The following DHX33 variants were observed in gnomAD, a reference collection of about 807,000 sequenced individuals.
DHX33 encodes the protein DEAH-box helicase 33.
In DHX33, 42 loss-of-function variants were observed where a neutral mutation model predicts 72.5. That is an observed-to-expected ratio of 0.58 (90% confidence interval 0.45 to 0.75). The LOEUF is 0.75. Ranked by LOEUF, DHX33 falls within the 30% of genes least tolerant of loss-of-function variation. The pLI is 0.00. For missense variants in DHX33, 842 were observed against 917.5 expected, an observed-to-expected ratio of 0.92 and a Z score of 1.06; for synonymous variants, 358 against 366.1, an observed-to-expected ratio of 0.98 and a Z score of 0.25.
Position 5,453,526 on chromosome 17 carries a change from T to G in DHX33, c.1396+54A>C, listed in dbSNP as rs1479350821. The G allele has an allele frequency of 3.5e-6, 5 of 1,416,326 alleles. 1 individual carries two copies. In the Admixed American group the frequency reaches 8.4e-5, roughly 24 times the overall value. 87.7% of individuals were successfully genotyped at this position (1,416,326 alleles called of 1,614,324 possible). ...ACTTTATTTTTTTGGAAGTGTCCAT[T>G]TGTTGTTGTTTGTCTCCTCACCCAC... is the stretch of plus-strand genomic sequence containing the variant. On this transcript the variant is annotated intron_variant, in intron 8 of 11. Coordinates refer to ENST00000225296, the MANE Select transcript of DHX33 (RefSeq NM_020162.4).
At chr17:5,467,267 T>C (rs1487217124) in intron 1 of DHX33, among the ~76,000 whole-genome samples, 2 of 152,192 alleles carry the variant, frequency 1.3e-5, no homozygotes, top group South Asian at 2.1e-4. Flanking sequence ...GACAGGATCA[T>C]GGCAATTTCA....
At chr17:5,457,606 C>CAA (rs55832565) in intron 4 of DHX33, among the ~76,000 whole-genome samples, 19,195 of 95,504 alleles carry the variant, frequency 0.2, 2,030 homozygotes, top group African/African-American at 0.29. Context: ...GACTCCATCT[C>CAA]AAAAAAAAAA....
chr17:5,446,738 G>A (rs1378167108), intron 11 of DHX33, among the ~76,000 whole-genome samples: 1 of 152,152 alleles, frequency 6.6e-6, no homozygotes, highest in Non-Finnish European at 1.5e-5. Flanking sequence ...CCTTACCAGT[G>A]CCTGACATAT....
intron 3 of DHX33, among the ~76,000 whole-genome samples, chr17:5,461,936 CTTTTTTTTTT>C (rs35332211): frequency 8.8e-6 from 1 of 113,698 alleles, no homozygotes; most frequent in Non-Finnish European, 1.7e-5. Flanking sequence ...TGAACTTTCA[CTTTTTTTTTT>C]TTTTTTTTTT....
intron 9 of DHX33, 93 bp from the exon 10 acceptor site, chr17:5,450,499 A>G: frequency 7.7e-7 from 1 of 1,293,102 alleles, no homozygotes; most frequent in South Asian, 1.3e-5. Flanking sequence ...TTTCCCTTCT[A>G]AGGAGTTAAA....
chr17:5,447,019 C>T (rs547700851), intron 11 of DHX33, among the ~76,000 whole-genome samples: 6 of 152,314 alleles, frequency 3.9e-5, no homozygotes, highest in South Asian at 4.1e-4. Context: ...CAGCAGCGTC[C>T]GCACTGAGGG....
At position 5,468,721 on chromosome 17, in the gene DHX33, C is replaced by T. The variant is rs745595007; in HGVS notation, c.139G>A (p.Gly47Arg). 1.9e-6 allele frequency: 3 copies of T among 1,611,040 alleles called. No individual in the cohort carries two copies. The Admixed American group carries it at 5.0e-5, about 27-fold the overall frequency. The change falls in exon 1 of 12, where the codon GGA becomes AGA. Residue 47 changes from glycine to arginine, a missense_variant. Transcript: ENST00000225296. ...TAGSGGRGGG[G>R]GRRQQPPLAQ... ...AGGGGCGGCTGCTGCCTCCGGCCTC[C>T]TCCTCCTCCTCTGCCGCCGCTGCCC...
chr17:5,448,181 C>T (rs977865668), intron 11 of DHX33, among the ~76,000 whole-genome samples: 1 of 152,096 alleles, frequency 6.6e-6, no homozygotes, highest in Admixed American at 6.6e-5. Flanking sequence ...GGTGACAGAG[C>T]AAGACTCTGT....
chr17:5,455,854 T>C (rs1192309526), intron 5 of DHX33, 143 bp downstream of exon 5: 7 of 854,398 alleles, frequency 8.2e-6, no homozygotes, highest in South Asian at 1.8e-5. Context: ...ATTTTATTCC[T>C]GCACCTCCTC....
intron 5 of DHX33, among the ~76,000 whole-genome samples, chr17:5,455,788 A>G (rs1034253831): frequency 6.6e-6 from 1 of 152,146 alleles, no homozygotes; most frequent in Non-Finnish European, 1.5e-5. Flanking sequence ...ACTCTCCCTC[A>G]TCCCAACAAC....
chr17:5,450,742 G>T, intron 9 of DHX33, 65 bp downstream of exon 9: 2 of 1,601,890 alleles, frequency 1.2e-6, no homozygotes, highest in Non-Finnish European at 1.7e-6. Context: ...CTGGGTAGAT[G>T]GTACTACTTT....
At chr17:5,455,370 AC>A (rs1917144479) in intron 5 of DHX33, 99 bp from the exon 6 acceptor site, 1 of 981,650 alleles carries the variant, frequency 1.0e-6, no homozygotes. Flanking sequence ...TTCACTCTTG[AC>A]CAACAGAAGA....
Position 5,453,575 on chromosome 17 carries a change from C to T in DHX33, c.1396+5G>A. 6.2e-7 allele frequency: 1 copy of T among 1,614,022 alleles called. No individual in the cohort carries two copies. Among genetic ancestry groups the T allele is most frequent in the East Asian group, 2.2e-5 (1 of 44,890 alleles). ...ACCTTCTGCAAAACTGTGGATTTCACTTACCTGGAGATGGCTTCGACATGA... is the reference window on the plus strand; with the variant it reads ...ACCTTCTGCAAAACTGTGGATTTCATTTACCTGGAGATGGCTTCGACATGA... On this transcript the variant is annotated splice_donor_5th_base_variant and intron_variant, in intron 8 of 11. Transcript: ENST00000225296.
intron 8 of DHX33, among the ~76,000 whole-genome samples, chr17:5,452,527 G>GGAAACAAAAACA (rs1567599236): frequency 1.3e-5 from 2 of 151,846 alleles, no homozygotes; most frequent in Non-Finnish European, 2.9e-5. Flanking sequence ...GCAACAGAGT[G>GGAAACAAAAACA]AGACCCTGTC....
chr17:5,457,492 A>G (rs543356783), intron 4 of DHX33, among the ~76,000 whole-genome samples: 51 of 151,364 alleles, frequency 3.4e-4, no homozygotes, highest in African/African-American at 1.1e-3. Flanking sequence ...GTGTGATCCC[A>G]GATACTCAGG....
chr17:5,463,177 CTT>C, intron 2 of DHX33, among the ~76,000 whole-genome samples: 1 of 152,086 alleles, frequency 6.6e-6, no homozygotes, highest in Non-Finnish European at 1.5e-5. Context: ...ATAAATCTGT[CTT>C]ATATACAGTT....
At chr17:5,452,681 G>A (rs1374078722) in intron 8 of DHX33, among the ~76,000 whole-genome samples, 3 of 152,208 alleles carry the variant, frequency 2.0e-5, no homozygotes, top group Non-Finnish European at 4.4e-5. Flanking sequence ...ATGTGCCACT[G>A]CACTCCAGCC....
rs769567783 is a variant in DHX33 at position 5,468,528 on chromosome 17, A to G, written c.289+43T>C. The G allele has an allele frequency of 1.1e-5, 17 of 1,585,586 alleles. No individual in the cohort carries two copies. In the South Asian group the frequency reaches 1.8e-4, roughly 17 times the overall value. ...TAAGAAAAACTGCTCTAGCTAAGCC[A>G]CGGACGAAGTGCAAGGAAGAGCCCG... On this transcript the variant is annotated intron_variant, in intron 1 of 11. Coordinates refer to ENST00000225296, the MANE Select transcript of DHX33 (RefSeq NM_020162.4).
At chr17:5,459,386 GT>G (rs1904476388) in intron 4 of DHX33, among the ~76,000 whole-genome samples, 1 of 118,006 alleles carries the variant, frequency 8.5e-6, no homozygotes, top group African/African-American at 4.9e-5. Flanking sequence ...TCCTAATATA[GT>G]TTAAAAAAAA....
Sources: allele counts gnomAD v4.1 joint callset (sites outside exome capture counted in the v4.1 genomes callset), GRCh38; gene constraint gnomAD v4.1.1; transcripts MANE v1.5; gene names NCBI Gene and HGNC (gene_info 2026-07-23, HGNC 2026-07-21).